The following HGFAC variants were observed in gnomAD, a reference collection of about 807,000 sequenced individuals.
HGFAC encodes the protein hepatocyte growth factor activator serine protease.
In HGFAC, 76 loss-of-function variants were observed where a neutral mutation model predicts 70.6. The observed-to-expected ratio is 1.08, with a 90% confidence interval of 0.89 to 1.30. The LOEUF (loss-of-function observed/expected upper bound fraction) is 1.30, where lower values mean the gene tolerates loss of function less well. Ranked by LOEUF, HGFAC falls within the 50% of genes most tolerant of loss-of-function variation. HGFAC has a pLI of 0.00. For missense variants in HGFAC, 1,044 were observed against 933.7 expected (o/e 1.12, Z -1.54); for synonymous variants, 464 against 405.3 (o/e 1.14, Z -1.74).
intron 13 of HGFAC, 88 bp downstream of exon 13, chr4:3,448,364 G>C (rs1272546981): frequency 6.8e-7 from 1 of 1,471,696 alleles, no homozygotes; most frequent in East Asian, 2.4e-5. Flanking sequence ...GGGGAGCCCA[G>C]AGCCTGGCGG....
In HGFAC at chr4:3,444,356, A is replaced by C. The variant is rs1208266427; in HGVS notation, c.644A>C (p.Asp215Ala). The C allele has an allele frequency of 6.2e-6, 10 of 1,600,108 alleles. No homozygotes were observed. The highest frequency in any genetic ancestry group is 8.5e-6 in the Non-Finnish European group (10 of 1,174,684). The change falls in exon 6 of 14, where the codon GAC becomes GCC. Residue 215 changes from aspartate (D) to alanine (A), a missense_variant. Coordinates refer to ENST00000382774, the MANE Select transcript of HGFAC (RefSeq NM_001528.4). ...CGCTACGAGTACCTGGAGGGGGGCG[A>C]CCGCTGGGCCCGCGTGCGCCAGGGC... ...ETRYEYLEGG[D>A]RWARVRQGHV...
Position 3,448,119 on chromosome 4 carries a change from G to A in HGFAC, c.1637-9G>A, listed in dbSNP as rs1353234245. The A allele has an allele frequency of 1.3e-6, 2 of 1,584,292 alleles. No homozygotes were observed. The highest frequency in any genetic ancestry group is 2.7e-5 in the African/African-American group (2 of 74,430). On this transcript the variant is annotated splice_polypyrimidine_tract_variant and intron_variant, in intron 12 of 13. Transcript: ENST00000382774. ...GTGGGTGTCACGCTGAGGGCATTGTGTCCCACAGACGTGAGCGGCTACTCC... is the reference window on the plus strand; with the variant it reads ...GTGGGTGTCACGCTGAGGGCATTGTATCCCACAGACGTGAGCGGCTACTCC...
chr4:3,445,030 G>A (rs762662696), intron 8 of HGFAC, 37 bp downstream of exon 8: 1 of 1,511,604 alleles, frequency 6.6e-7, no homozygotes, highest in Non-Finnish European at 8.8e-7. Flanking sequence ...CGCATGCGGG[G>A]CAGGCAGGAT....
At chr4:3,448,320 C>T (rs1290302393) in intron 13 of HGFAC, 44 bp downstream of exon 13, 21 of 1,591,900 alleles carry the variant, frequency 1.3e-5, no homozygotes, top group African/African-American at 2.7e-5. Context: ...GGTGGGGGCT[C>T]AGCTGGTCCT....
intron 4 of HGFAC, 42 bp downstream of exon 4, chr4:3,443,462 T>G: frequency 7.8e-7 from 1 of 1,285,402 alleles, no homozygotes; most frequent in South Asian, 1.6e-5. Context: ...CAGGGGGCAC[T>G]GGGCCAGGCC....
chr4:3,447,847 C>A, intron 11 of HGFAC, 48 bp from the exon 12 acceptor site: 2 of 1,592,678 alleles, frequency 1.3e-6, no homozygotes, highest in Non-Finnish European at 1.7e-6. Context: ...GACAGCCTCC[C>A]GTTCAGCCCG....
Position 3,444,384 on chromosome 4 carries a change from C to A in HGFAC, c.672C>A (p.His224Gln). ...GCTGGGCCCGCGTGCGCCAGGGCCA[C>A]GTGGAACAGTGCGAGTGCTTCGGGG... Reference protein sequence around the residue: ...GDRWARVRQGHVEQCECFGGR... With the variant: ...GDRWARVRQGQVEQCECFGGR... Residue 224 changes from histidine (H) to glutamine (Q), a missense_variant, in exon 6 of 14, where the codon CAC becomes CAA. Coordinates refer to ENST00000382774, the MANE Select transcript of HGFAC (RefSeq NM_001528.4). The A allele has an allele frequency of 1.2e-6, 2 of 1,604,820 alleles. No individual in the cohort carries two copies. The highest frequency in any genetic ancestry group is 1.7e-6 in the Non-Finnish European group (2 of 1,177,000).
rs1161898704 is a variant in HGFAC, at chr4:3,446,248, G to A, written c.1309G>A (p.Val437Ile). 15 of 1,610,270 alleles carry A rather than the reference G, an allele frequency of 9.3e-6. No homozygotes were observed. Among genetic ancestry groups the A allele is most frequent in the African/African-American group, 2.7e-5 (2 of 74,866 alleles). The change falls in exon 10 of 14, where the codon GTC becomes ATC. Residue 437 changes from valine (V) to isoleucine (I), a missense_variant. Val to Ile is a conservative substitution (Grantham distance 29, BLOSUM62 3). Transcript: ENST00000382774. ...IGDSFCAGSL[V>I]HTCWVVSAAH... ...GGACAGCTTCTGCGCCGGGAGCCTG[G>A]TCCACACCTGCTGGGTGGTGTCGGC...
Position 3,447,519 on chromosome 4 carries a change from G to T in HGFAC, c.1383G>T (p.Val461=). The T allele has an allele frequency of 1.2e-6, 2 of 1,612,650 alleles. No homozygotes were observed. Among genetic ancestry groups the T allele is most frequent in the South Asian group, 1.1e-5 (1 of 91,060 alleles). Residue 461 remains valine, a synonymous_variant, in exon 11 of 14, where the codon GTG becomes GTT. Coordinates refer to ENST00000382774, the MANE Select transcript of HGFAC (RefSeq NM_001528.4). ...HSPPRDSVSV[V]LGQHFFNRTT... ...CCCCCAGGGACAGCGTCTCCGTGGTGCTGGGCCAGCACTTCTTCAACCGCA... is the reference window on the plus strand; with the variant it reads ...CCCCCAGGGACAGCGTCTCCGTGGTTCTGGGCCAGCACTTCTTCAACCGCA...
Position 3,449,317 on chromosome 4 carries a change from C to G in HGFAC, c.1866C>G (p.Cys622Trp), listed in dbSNP as rs200987576. ...LYGIISWGDG[C>W]GRLHKPGVYT... is the part of the protein sequence containing the mutation. ...GCATCATCAGCTGGGGTGACGGCTG[C>G]GGGCGGCTCCACAAGCCGGGGGTCT... Residue 622 changes from cysteine (C) to tryptophan (W), a missense_variant, in exon 14 of 14, where the codon TGC (cysteine) becomes TGG (tryptophan). By Grantham distance (215) the Cys-to-Trp change is radical. Coordinates refer to ENST00000382774, the MANE Select transcript of HGFAC (RefSeq NM_001528.4). The G allele has an allele frequency of 1.3e-5, 21 of 1,611,864 alleles. No individual in the cohort carries two copies. Among genetic ancestry groups the G allele is most frequent in the Middle Eastern group, 1.6e-4 (1 of 6,072 alleles).
At chr4:3,441,654 G>A (rs1300200246), upstream of HGFAC, among the ~76,000 whole-genome samples, 2 of 152,214 alleles carry the variant, frequency 1.3e-5, no homozygotes, top group African/African-American at 4.8e-5. This position sits in a 1 kb window ranked among gnomAD's most constrained non-coding sequence, Gnocchi z 6.0. Context: ...CCAGCTCTGT[G>A]GCCTGCAGGG....
chr4:3,443,551 A>G, intron 4 of HGFAC, 131 bp downstream of exon 4: 1 of 545,186 alleles, frequency 1.8e-6, no homozygotes, highest in Non-Finnish European at 3.0e-6. Flanking sequence ...CTCTGGGATT[A>G]ACCCCGGTGG....
At position 3,449,353 on chromosome 4, in the gene HGFAC, G is replaced by A. The variant is rs1725652862; in HGVS notation, c.1902G>A (p.Val634=). ...RLHKPGVYTR[V]ANYVDWINDR... ...ACAAGCCGGGGGTCTACACCCGCGT[G>A]GCCAACTATGTGGACTGGATCAACG... The change falls in exon 14 of 14, where the codon GTG becomes GTA. Residue 634 remains valine, a synonymous_variant. Transcript: ENST00000382774. 1 of 1,610,742 alleles carries A rather than the reference G, an allele frequency of 6.2e-7. No individual in the cohort carries two copies. The highest frequency in any genetic ancestry group is 8.5e-7 in the Non-Finnish European group (1 of 1,178,712).
rs1231630800 is a variant in HGFAC at position 3,444,931 on chromosome 4, G to A, written c.954G>A (p.Glu318=). The change falls in exon 8 of 14, where the codon GAG becomes GAA. Residue 318 remains glutamate, a synonymous_variant. Coordinates refer to ENST00000382774, the MANE Select transcript of HGFAC (RefSeq NM_001528.4). Reference sequence around the variant, plus strand: ...GGAACTCCGATCTGCTCTACCAGGAGCTGCACGTGGACTCCGTGGGCGCCG... The same window carrying A: ...GGAACTCCGATCTGCTCTACCAGGAACTGCACGTGGACTCCGTGGGCGCCG... The part of the protein sequence containing the change: ...LAWNSDLLYQ[E]LHVDSVGAAA... 6.2e-7 allele frequency: 1 copy of A among 1,609,508 alleles called. No individual in the cohort carries two copies. The highest frequency in any genetic ancestry group is 1.3e-5 in the African/African-American group (1 of 74,872).
rs749488308 is a variant in HGFAC, at chr4:3,447,585, C to T, written c.1449C>T (p.Ile483=). Residue 483 remains isoleucine (I), a synonymous_variant, in exon 11 of 14, where the codon ATC becomes ATT. Transcript: ENST00000382774. ...AGACCTTCGGCATCGAGAAGTACATCCCGTACACCCTGTACTCGGTGTTCA... is the reference window on the plus strand; with the variant it reads ...AGACCTTCGGCATCGAGAAGTACATTCCGTACACCCTGTACTCGGTGTTCA... ...VTQTFGIEKY[I]PYTLYSVFNP... is the part of the protein sequence containing the mutation. 1 of 1,612,558 alleles carries T rather than the reference C, an allele frequency of 6.2e-7. No homozygotes were observed. Among genetic ancestry groups the T allele is most frequent in the African/African-American group, 1.3e-5 (1 of 74,936 alleles).
intron 10 of HGFAC, among the ~76,000 whole-genome samples, chr4:3,447,257 T>C (rs1725540903): frequency 6.6e-6 from 1 of 152,122 alleles, no homozygotes; most frequent in South Asian, 2.1e-4. Context: ...TCAGGAGGGA[T>C]GGCACCGCAC....
intron 10 of HGFAC, 74 bp from the exon 11 acceptor site, chr4:3,447,418 C>G: frequency 6.4e-7 from 1 of 1,564,582 alleles, no homozygotes; most frequent in Non-Finnish European, 8.8e-7. Context: ...GTGGGCCTGA[C>G]AGGGGGTGGG....
In HGFAC at chr4:3,444,455, G is replaced by A. The variant is rs760509605; in HGVS notation, c.730+13G>A. On this transcript the variant is annotated intron_variant, in intron 6 of 13. Coordinates refer to ENST00000382774, the MANE Select transcript of HGFAC (RefSeq NM_001528.4). ...ACCCGACATACAGGTGCGCCACGGG[G>A]TGTGAGCCGTGCCACTGACCCCTGA... 6.3e-7 allele frequency: 1 copy of A among 1,577,678 alleles called. No individual in the cohort carries two copies. The highest frequency in any genetic ancestry group is 8.6e-7 in the Non-Finnish European group (1 of 1,163,594).
intron 9 of HGFAC, 192 bp downstream of exon 9, chr4:3,445,542 G>A (rs1359847439): frequency 8.1e-6 from 5 of 614,056 alleles, no homozygotes; most frequent in East Asian, 2.8e-5. Context: ...GAAGCAGCCC[G>A]CTGCAGGGGG....
Sources: allele counts gnomAD v4.1 joint callset (sites outside exome capture counted in the v4.1 genomes callset), GRCh38; gene constraint gnomAD v4.1.1; non-coding constraint Gnocchi (gnomAD v3.1); transcripts MANE v1.5; gene names NCBI Gene and HGNC (gene_info 2026-07-23, HGNC 2026-07-21).